PCDHA4: variants seen among roughly 807,000 people sequenced by gnomAD.
The protein encoded by PCDHA4 is protocadherin alpha-4.
PCDHA4 carries 49 observed loss-of-function variants against 61.4 expected under a neutral mutation model. The ratio of observed to expected loss-of-function variants is 0.80; its 90% CI spans 0.63 to 1.01. The LOEUF is 1.01. Among genes scored for constraint, PCDHA4 ranks in the 50% least tolerant of loss-of-function variants. The pLI, the probability that PCDHA4 is intolerant of heterozygous loss-of-function variation, is 0.00. For missense variants in PCDHA4, 1,254 were observed against 1,235.8 expected (o/e 1.01, Z -0.22); for synonymous variants, 590 against 550.3 (o/e 1.07, Z -1.01).
In PCDHA4 at chr5:140,870,962, C is replaced by A. The variant is rs1489353896; in HGVS notation, c.2385+61390C>A. 7 of 1,613,532 alleles carry A rather than the reference C, an allele frequency of 4.3e-6. No individual in the cohort carries two copies. In the Admixed American group the frequency reaches 1.2e-4, roughly 27 times the overall value. On this transcript the variant is annotated intron_variant, in intron 1 of 3. Transcript: ENST00000530339. Reference sequence around the variant, plus strand: ...CCGGCGGCGGGCGGCTCGCGCATCCCGTTCCGCGTGGGGCTGTACACGGGC... The same window carrying A: ...CCGGCGGCGGGCGGCTCGCGCATCCAGTTCCGCGTGGGGCTGTACACGGGC...
chr5:140,828,163 G>A (rs1244863106), intron 1 of PCDHA4: 8 of 1,614,068 alleles, frequency 5.0e-6, no homozygotes, highest in African/African-American at 1.3e-5. Context: ...TCGCAGCCTG[G>A]AAGGTGGGGA....
chr5:140,911,444 C>T (rs13161603), intron 1 of PCDHA4, among the ~76,000 whole-genome samples: 2,752 of 152,248 alleles, frequency 0.018, 47 homozygotes, highest in South Asian at 0.1. Context: ...CCCGCAATTT[C>T]AGCTCTTTCT....
In PCDHA4 at chr5:140,823,360, C is replaced by T. The variant is rs1470640408; in HGVS notation, c.2385+13788C>T. 9.9e-6 allele frequency: 16 copies of T among 1,612,570 alleles called. No homozygotes were observed. The African/African-American group carries it at 1.7e-4, about 17-fold the overall frequency. The stretch of plus-strand genomic sequence containing the variant: ...GCCGCTGGACCACGAGGAAGTGGAG[C>T]TGCTGCAGTTCCAGGTGAGCGCGCG... On this transcript the variant is annotated intron_variant, in intron 1 of 3. Coordinates refer to ENST00000530339, the MANE Select transcript of PCDHA4 (RefSeq NM_018907.4).
chr5:140,876,623 A>G (rs2056465121), intron 1 of PCDHA4: 1 of 1,614,086 alleles, frequency 6.2e-7, no homozygotes, highest in East Asian at 2.2e-5. Context: ...GCCAATGGAC[A>G]GGTCATCTGC....
intron 1 of PCDHA4, among the ~76,000 whole-genome samples, chr5:140,833,911 A>T (rs1554134000): frequency 6.6e-6 from 1 of 152,184 alleles, no homozygotes; most frequent in African/African-American, 2.4e-5. Flanking sequence ...TTAAACTTGC[A>T]GTTGTTTAAA....
chr5:140,929,460 C>A, intron 1 of PCDHA4: 1 of 1,331,154 alleles, frequency 7.5e-7, no homozygotes, highest in Non-Finnish European at 1.0e-6. Context: ...ACTTCCTGTG[C>A]CAAGAAATCT....
intron 3 of PCDHA4, among the ~76,000 whole-genome samples, chr5:140,983,328 T>G (rs1214241110): frequency 6.6e-6 from 1 of 152,218 alleles, no homozygotes; most frequent in East Asian, 1.9e-4. Flanking sequence ...ATTCTTGCCC[T>G]ATCACTAAAG....
Position 140,884,327 on chromosome 5 carries a change from G to T in PCDHA4, c.2385+74755G>T, listed in dbSNP as rs1400364790. The T allele has an allele frequency of 5.6e-6, 9 of 1,613,894 alleles. No individual in the cohort carries two copies. In the African/African-American group the frequency reaches 9.3e-5, roughly 17 times the overall value. Reference sequence around the variant, plus strand: ...TTCGTCGAGGGCGTCGGCAGGCGCTGTGGGTCCAGAAGCGGCGCTGGTGGA... The same window carrying T: ...TTCGTCGAGGGCGTCGGCAGGCGCTTTGGGTCCAGAAGCGGCGCTGGTGGA... On this transcript the variant is annotated intron_variant, in intron 1 of 3. Coordinates refer to ENST00000530339, the MANE Select transcript of PCDHA4 (RefSeq NM_018907.4).
intron 3 of PCDHA4, among the ~76,000 whole-genome samples, chr5:140,999,672 C>T (rs2153958475): frequency 6.6e-6 from 1 of 152,214 alleles, no homozygotes; most frequent in South Asian, 2.1e-4. Context: ...TTGCGGGGGG[C>T]TCACAGAAAG....
At chr5:140,977,379 C>T (rs921133722) in intron 1 of PCDHA4, among the ~76,000 whole-genome samples, 4 of 152,134 alleles carry the variant, frequency 2.6e-5, no homozygotes, top group African/African-American at 2.4e-5. Flanking sequence ...AGTCATATTT[C>T]CAGGTTTATA....
chr5:140,958,116 T>G (rs2095410051), intron 1 of PCDHA4, among the ~76,000 whole-genome samples: 1 of 152,060 alleles, frequency 6.6e-6, no homozygotes, highest in African/African-American at 2.4e-5. Context: ...TGGTTCCATT[T>G]TGTAAAATGT....
intron 1 of PCDHA4, chr5:140,836,868 C>T (rs1321806293): frequency 1.4e-6 from 1 of 730,902 alleles, no homozygotes; most frequent in East Asian, 2.8e-5. Flanking sequence ...TAATGTTATG[C>T]TGTATTTGCA....
intron 1 of PCDHA4, chr5:140,853,268 G>A: frequency 9.2e-6 from 9 of 975,960 alleles, no homozygotes; most frequent in Non-Finnish European, 1.1e-5. Context: ...CAGAGTACAA[G>A]CTCTCATCAT....
At chr5:140,959,234 G>A (rs2095475246) in intron 1 of PCDHA4, among the ~76,000 whole-genome samples, 2 of 152,106 alleles carry the variant, frequency 1.3e-5, no homozygotes, top group Admixed American at 6.5e-5. Context: ...AAAATTATCT[G>A]GGCATGATAG....
intron 1 of PCDHA4, among the ~76,000 whole-genome samples, chr5:140,885,388 A>G (rs1187514037): frequency 2.0e-5 from 3 of 152,166 alleles, no homozygotes; most frequent in Admixed American, 2.0e-4. Context: ...CAGTCCCTGC[A>G]AATCTAATGG....
Position 140,875,145 on chromosome 5 carries a change from T to A in PCDHA4, c.2385+65573T>A, listed in dbSNP as rs191347942. On this transcript the variant is annotated intron_variant, in intron 1 of 3. Coordinates refer to ENST00000530339, the MANE Select transcript of PCDHA4 (RefSeq NM_018907.4). ...TAACTAAACCCGCATTTATAAATGA[T>A]CCGTGAAAAATAACCCAAAGTCGAA... Among the ~76,000 whole-genome samples the A allele has an allele frequency of 3.1e-3, 468 of 152,306 alleles. 3 individuals are homozygous for A. The highest frequency in any genetic ancestry group is 0.014 in the Middle Eastern group (4 of 294).
At chr5:140,870,219 CG>C in intron 1 of PCDHA4, 1 of 1,614,152 alleles carries the variant, frequency 6.2e-7, no homozygotes. Flanking sequence ...CCCTGATCAG[CG>C]TGTCTGACCG....
In PCDHA4 at chr5:140,808,542, C is replaced by G; in HGVS notation, c.1355C>G (p.Ala452Gly). 1.2e-6 allele frequency: 2 copies of G among 1,614,170 alleles called. No individual in the cohort carries two copies. The highest frequency in any genetic ancestry group is 1.7e-6 in the Non-Finnish European group (2 of 1,180,042). The change falls in exon 1 of 4, where the codon GCT becomes GGT. Residue 452 changes from alanine (A) to glycine (G), a missense_variant. Ala to Gly is a moderately conservative substitution (Grantham distance 60). Transcript: ENST00000530339. ...GAGGTGGCTGATGTGAACGACAACG[C>G]TCCGGCGTTCGCGCAGCCCGAGTAC... is the stretch of plus-strand genomic sequence containing the variant. ...SVEVADVNDN[A>G]PAFAQPEYTV...
chr5:140,848,667 G>A lies in PCDHA4; in HGVS notation c.2385+39095G>A, dbSNP rs1173870910. On this transcript the variant is annotated intron_variant, in intron 1 of 3. Coordinates refer to ENST00000530339, the MANE Select transcript of PCDHA4 (RefSeq NM_018907.4). ...GCAGGACCTGGGGCTGGAGCTGGCG[G>A]AGCTGGTGCCGCGCCTGTTCCAGTT... The A allele has an allele frequency of 1.0e-5, 16 of 1,592,228 alleles. No individual in the cohort carries two copies. Among genetic ancestry groups the A allele is most frequent in the Non-Finnish European group, 1.3e-5 (15 of 1,163,428 alleles).
Sources: allele counts gnomAD v4.1 joint callset (sites outside exome capture counted in the v4.1 genomes callset), GRCh38; gene constraint gnomAD v4.1.1; transcripts MANE v1.5; gene names NCBI Gene and HGNC (gene_info 2026-07-23, HGNC 2026-07-21).